COX10: variants seen among roughly 807,000 people sequenced by gnomAD.
COX10 encodes the protein cytochrome c oxidase assembly factor heme A:farnesyltransferase COX10.
Under a neutral mutation model 37.3 loss-of-function variants are expected in COX10, and 27 were observed. The ratio of observed to expected loss-of-function variants is 0.72; its 90% CI spans 0.53 to 1.00. COX10 has a LOEUF of 1.00. Ranked by LOEUF, COX10 falls within the 50% of genes least tolerant of loss-of-function variation. The pLI, the probability that COX10 is intolerant of heterozygous loss-of-function variation, is 0.00. For synonymous variants in COX10, 222 were observed against 229.1 expected (o/e 0.97, Z 0.28); for missense variants, 475 against 563.2 (o/e 0.84, Z 1.59).
At chr17:14,206,063 C>T (rs1366578341) in intron 6 of COX10, among the ~76,000 whole-genome samples, 1 of 152,192 alleles carries the variant, frequency 6.6e-6, no homozygotes, top group Non-Finnish European at 1.5e-5. Flanking sequence ...ACACCTCCCG[C>T]TTGTGCCATT....
At chr17:14,189,498 A>T (rs983765608) in intron 5 of COX10, among the ~76,000 whole-genome samples, 3 of 152,174 alleles carry the variant, frequency 2.0e-5, no homozygotes, top group African/African-American at 7.2e-5. Flanking sequence ...TCTTCCATCC[A>T]AGTGTTAGCA....
At chr17:14,120,103 C>T (rs923592230) in intron 4 of COX10, among the ~76,000 whole-genome samples, 2 of 152,048 alleles carry the variant, frequency 1.3e-5, no homozygotes, top group African/African-American at 4.8e-5. Flanking sequence ...AGGATGACTC[C>T]TAGGGTGTAG....
chr17:14,207,351 G>GTTTTTT lies in COX10; in HGVS notation c.*147_*152dup. 2 of 891,330 alleles carry GTTTTTT rather than the reference G, an allele frequency of 2.2e-6. No individual in the cohort carries two copies. The highest frequency in any genetic ancestry group is 3.1e-6 in the Non-Finnish European group (2 of 639,572). 55.2% of individuals were successfully genotyped at this position (891,330 alleles called of 1,614,324 possible). ...TTCGGTGCTCAGTGATCACTTGACA[G>GTTTTTT]TTTTTTTTTTTTTTAAATATTACCC... On this transcript the variant is annotated 3_prime_UTR_variant, in exon 7 of 7. Coordinates refer to ENST00000261643, the MANE Select transcript of COX10 (RefSeq NM_001303.4).
intron 5 of COX10, chr17:14,177,083 T>C (rs755070608): frequency 3.7e-5 from 18 of 490,974 alleles, no homozygotes; most frequent in Non-Finnish European, 6.5e-5. Flanking sequence ...CAGAGGACAG[T>C]ACTTAAGTTT....
chr17:14,173,942 G>A (rs1028819336), intron 5 of COX10, among the ~76,000 whole-genome samples: 29 of 152,192 alleles, frequency 1.9e-4, no homozygotes, highest in South Asian at 4.1e-4. Flanking sequence ...AACTGGGCTC[G>A]GCGGAGGACT....
At chr17:14,206,454 T>C (rs572328293) in intron 6 of COX10, among the ~76,000 whole-genome samples, 1 of 152,008 alleles carries the variant, frequency 6.6e-6, no homozygotes, top group South Asian at 2.1e-4. Flanking sequence ...CTCCCCACAA[T>C]GTGGGGAGGT....
At chr17:14,192,999 C>T (rs1906256768) in intron 6 of COX10, among the ~76,000 whole-genome samples, 1 of 152,166 alleles carries the variant, frequency 6.6e-6, no homozygotes, top group Admixed American at 6.5e-5. Flanking sequence ...TCTTACACTC[C>T]AATTTGGCAA....
At chr17:14,071,069 G>A (rs1915011941) in intron 1 of COX10, among the ~76,000 whole-genome samples, 1 of 152,146 alleles carries the variant, frequency 6.6e-6, no homozygotes, top group African/African-American at 2.4e-5. Flanking sequence ...TCACTTCTTT[G>A]TTACATTCTA....
intron 4 of COX10, among the ~76,000 whole-genome samples, chr17:14,146,426 G>A (rs1461569377): frequency 6.6e-6 from 1 of 151,994 alleles, no homozygotes; most frequent in African/African-American, 2.4e-5. Context: ...AATGGTGCAG[G>A]GAAAACTGGG....
intron 4 of COX10, among the ~76,000 whole-genome samples, chr17:14,146,791 A>G (rs1292172493): frequency 1.3e-5 from 2 of 152,214 alleles, no homozygotes; most frequent in African/African-American, 2.4e-5. Context: ...ACAACTCTCT[A>G]TAGGAAAAAC....
At chr17:14,152,319 C>T (rs1904928639) in intron 4 of COX10, among the ~76,000 whole-genome samples, 1 of 152,128 alleles carries the variant, frequency 6.6e-6, no homozygotes, top group East Asian at 1.9e-4. Flanking sequence ...TTACATGCAG[C>T]AGGTAAGAGA....
At chr17:14,198,410 G>C (rs1906433619) in intron 6 of COX10, among the ~76,000 whole-genome samples, 1 of 152,174 alleles carries the variant, frequency 6.6e-6, no homozygotes, top group Non-Finnish European at 1.5e-5. Context: ...GAAAGGTTCA[G>C]ATTATTTTTC....
At chr17:14,133,895 G>A (rs1012007427) in intron 4 of COX10, among the ~76,000 whole-genome samples, 1 of 151,596 alleles carries the variant, frequency 6.6e-6, no homozygotes, top group Non-Finnish European at 1.5e-5. Context: ...GCATAAGTGA[G>A]ATTATATGTT....
intron 5 of COX10, among the ~76,000 whole-genome samples, chr17:14,189,262 C>T (rs575519173): frequency 4.6e-5 from 7 of 152,114 alleles, no homozygotes; most frequent in South Asian, 2.1e-4. Flanking sequence ...CCAATTGAGA[C>T]GTCTATGGTA....
intron 4 of COX10, among the ~76,000 whole-genome samples, chr17:14,151,394 G>C (rs1466324769): frequency 6.6e-6 from 1 of 152,078 alleles, no homozygotes; most frequent in Non-Finnish European, 1.5e-5. Flanking sequence ...GTCAGATGCT[G>C]CTGCCAAGTT....
At chr17:14,080,502 C>T (rs1408887372) in intron 3 of COX10, among the ~76,000 whole-genome samples, 4 of 152,020 alleles carry the variant, frequency 2.6e-5, no homozygotes, top group Admixed American at 2.0e-4. Flanking sequence ...CGTGAGCCAC[C>T]GCACCCGGCC....
At chr17:14,145,448 G>A (rs983308589) in intron 4 of COX10, among the ~76,000 whole-genome samples, 1 of 152,118 alleles carries the variant, frequency 6.6e-6, no homozygotes, top group Non-Finnish European at 1.5e-5. Flanking sequence ...TTTCAATGCT[G>A]TGATGGGTCT....
At chr17:14,138,871 A>G (rs527692683) in intron 4 of COX10, among the ~76,000 whole-genome samples, 1 of 152,204 alleles carries the variant, frequency 6.6e-6, no homozygotes, top group Admixed American at 6.5e-5. Flanking sequence ...TGTGTGGGGT[A>G]TTCGGTAGTG....
intron 6 of COX10, among the ~76,000 whole-genome samples, chr17:14,202,289 G>A (rs1906567108): frequency 6.7e-6 from 1 of 149,982 alleles, no homozygotes; most frequent in Non-Finnish European, 1.5e-5. Flanking sequence ...CGGTGGTGCA[G>A]TCATAGTTCA....
Sources: gnomAD v4.1 joint callset for allele counts (sites outside exome capture counted in the v4.1 genomes callset) on GRCh38, gnomAD v4.1.1 for gene constraint, MANE v1.5 for transcripts, NCBI Gene and HGNC (gene_info 2026-07-23, HGNC 2026-07-21) for gene names.